XPO6: variants seen among roughly 807,000 people sequenced by gnomAD.
The protein encoded by XPO6 is exportin-6.
XPO6 carries 3 observed loss-of-function variants against 130.0 expected under a neutral mutation model. The observed-to-expected ratio is 0.02, with a 90% CI of 0.01 to 0.06. The LOEUF (loss-of-function observed/expected upper bound fraction) is 0.06, where lower values mean the gene tolerates loss of function less well. XPO6 is among the 10% of genes least tolerant of loss of function. The probability of loss-of-function intolerance (pLI) is 1.00; values close to 1 mark genes in which losing one functional copy is unlikely to be tolerated. For synonymous variants in XPO6, 524 were observed against 548.9 expected, an observed-to-expected ratio of 0.95 and a Z score of 0.63; for missense variants, 970 against 1,393.0, an observed-to-expected ratio of 0.70 and a Z score of 4.83.
intron 1 of XPO6, among the ~76,000 whole-genome samples, chr16:28,189,257 TAAAAAAAA>T (rs34353034): frequency 7.4e-6 from 1 of 134,602 alleles, no homozygotes; most frequent in African/African-American, 2.8e-5. Context: ...ACACTTCCTT[TAAAAAAAA>T]AAAAAAAAAG....
intron 9 of XPO6, among the ~76,000 whole-genome samples, chr16:28,135,663 A>G (rs1004990417): frequency 6.6e-6 from 1 of 152,170 alleles, no homozygotes; most frequent in Non-Finnish European, 1.5e-5. Context: ...TTTGCACGGA[A>G]TATCTCTTTC....
At chr16:28,208,076 G>A (rs2044062421) in intron 1 of XPO6, among the ~76,000 whole-genome samples, 1 of 151,804 alleles carries the variant, frequency 6.6e-6, no homozygotes, top group African/African-American at 2.4e-5. Context: ...AATCCAGGAG[G>A]CAGAGGTTGC....
intron 1 of XPO6, among the ~76,000 whole-genome samples, chr16:28,190,335 T>C (rs1453982193): frequency 1.3e-5 from 2 of 151,934 alleles, no homozygotes; most frequent in African/African-American, 4.8e-5. Context: ...TTCTCGTGTC[T>C]CAGCCTCCCA....
At position 28,098,607 on chromosome 16, in the gene XPO6, C is replaced by G. The variant is rs754737839; in HGVS notation, c.3309G>C (p.Arg1103Ser). 35 of 1,612,434 alleles carry G rather than the reference C, an allele frequency of 2.2e-5. No homozygotes were observed. The highest frequency in any genetic ancestry group is 2.9e-5 in the Non-Finnish European group (34 of 1,179,044). Residue 1103 changes from arginine to serine, a missense_variant, in exon 24 of 24, where the codon AGG becomes AGC. Around this residue, in one of 4 missense-constraint regions of XPO6, gnomAD observed 936 missense variants for 1,306.8 expected, o/e 0.72. Transcript: ENST00000304658. ...TGTAGTAGCGCAGGTCGTTGACCAG[C>G]CTGTGCACATTCTGGGTGAATGAGG... ...DLPSFTQNVH[R>S]LVNDLRYYRL...
intron 20 of XPO6, 103 bp downstream of exon 20, chr16:28,105,940 C>T (rs1162381222): frequency 1.3e-6 from 2 of 1,509,110 alleles, no homozygotes; most frequent in Non-Finnish European, 1.8e-6. Flanking sequence ...GCATATTAAA[C>T]TAACAAATGA....
rs143889337 is a variant in XPO6, at chr16:28,121,628, G to A, written c.1859+42C>T. 7.9e-5 allele frequency: 111 copies of A among 1,403,042 alleles called. No individual in the cohort carries two copies. The African/African-American group carries it at 1.3e-3, about 16-fold the overall frequency. The allele number at this position is 1,403,042 out of a possible 1,614,324, so 86.9% of individuals were successfully genotyped here. The stretch of plus-strand genomic sequence containing the variant: ...CAAATTATTTGGAGATTGGGGGCAA[G>A]GTCTTTCCTAAAAATGCACAAACAT... On this transcript the variant is annotated intron_variant, in intron 14 of 23. Transcript: ENST00000304658.
intron 4 of XPO6, among the ~76,000 whole-genome samples, chr16:28,173,577 T>G (rs1013570840): frequency 9.8e-5 from 15 of 152,286 alleles, no homozygotes; most frequent in African/African-American, 3.4e-4. Flanking sequence ...ACTCTATCTC[T>G]ATTTATTAAA....
intron 4 of XPO6, among the ~76,000 whole-genome samples, chr16:28,175,308 T>C (rs1270485081): frequency 1.3e-5 from 2 of 152,164 alleles, no homozygotes; most frequent in Non-Finnish European, 2.9e-5. Flanking sequence ...CTAGCCATCA[T>C]TCCACCATAA....
intron 9 of XPO6, among the ~76,000 whole-genome samples, chr16:28,137,050 G>A (rs1338069990): frequency 6.6e-6 from 1 of 152,280 alleles, no homozygotes; most frequent in Non-Finnish European, 1.5e-5. Context: ...TGCTGCCCCA[G>A]CAACAGACAC....
In XPO6 at chr16:28,153,961, T is replaced by G. The variant is rs1360717480; in HGVS notation, c.1098-1176A>C. 3 of 985,236 alleles carry G rather than the reference T, an allele frequency of 3.0e-6. No homozygotes were observed. In the East Asian group the frequency reaches 3.4e-4, roughly 112 times the overall value. The allele number at this position is 985,236 out of a possible 1,614,324, so 61.0% of individuals were successfully genotyped here. On this transcript the variant is annotated intron_variant, in intron 7 of 23. Transcript: ENST00000304658. ...TGCCTGACCTCTATGCGGCCGAGCTTATTTGCAGCTTTTTAAAAAATACAT... is the reference window on the plus strand; with the variant it reads ...TGCCTGACCTCTATGCGGCCGAGCTGATTTGCAGCTTTTTAAAAAATACAT...
chr16:28,146,053 C>T, intron 9 of XPO6, 41 bp downstream of exon 9: 1 of 1,506,222 alleles, frequency 6.6e-7, no homozygotes, highest in South Asian at 1.1e-5. Context: ...GAATAACTGG[C>T]AAAATGACCA....
intron 6 of XPO6, among the ~76,000 whole-genome samples, chr16:28,160,184 TAAAAAAAAAAAAAAA>T (rs56947792): frequency 6.2e-4 from 47 of 76,136 alleles, no homozygotes; most frequent in African/African-American, 2.5e-3. Context: ...GCCTCCGTCT[TAAAAAAAAAAAAAAA>T]AAAAAAAAAA....
At chr16:28,193,430 G>A (rs769905483) in intron 1 of XPO6, among the ~76,000 whole-genome samples, 2 of 152,158 alleles carry the variant, frequency 1.3e-5, no homozygotes, top group Non-Finnish European at 2.9e-5. Flanking sequence ...GGGAGAAGAC[G>A]CTGCAAAGCA....
At chr16:28,182,365 A>T (rs1442574742) in intron 1 of XPO6, among the ~76,000 whole-genome samples, 1 of 152,152 alleles carries the variant, frequency 6.6e-6, no homozygotes, top group East Asian at 1.9e-4. Flanking sequence ...ATCAGACTTG[A>T]TTCATAAGCG....
intron 17 of XPO6, chr16:28,111,580 T>C (rs1397098976): frequency 2.3e-6 from 1 of 429,052 alleles, no homozygotes; most frequent in Non-Finnish European, 4.2e-6. Flanking sequence ...CCAGCATTTT[T>C]TACATTTTAA....
intron 15 of XPO6, among the ~76,000 whole-genome samples, chr16:28,116,173 T>C (rs1218224631): frequency 6.6e-6 from 1 of 152,216 alleles, no homozygotes; most frequent in African/African-American, 2.4e-5. Flanking sequence ...TCAAGAGCCT[T>C]TGGCCAGGCC....
intron 15 of XPO6, among the ~76,000 whole-genome samples, chr16:28,115,141 CTGA>C (rs1461893148): frequency 6.6e-6 from 1 of 152,198 alleles, no homozygotes; most frequent in African/African-American, 2.4e-5. Flanking sequence ...CCCATTAATG[CTGA>C]TATTTTGATC....
At chr16:28,111,771 C>T (rs763834672) in intron 17 of XPO6, 46 bp downstream of exon 17, 1 of 1,594,752 alleles carries the variant, frequency 6.3e-7, no homozygotes, top group South Asian at 1.1e-5. Context: ...AAGAACAATG[C>T]CTGCCTACCT....
rs750298445 is a variant in XPO6, at chr16:28,156,217, T to C, written c.954A>G (p.Glu318=). ...LGVLAMSCIN[E]LMSKNCVPME... Reference sequence around the variant, plus strand: ...TAGGCACACAGTTCTTGGACATGAGTTCATTGATGCAGGACATGGCCAGGA... The same window carrying C: ...TAGGCACACAGTTCTTGGACATGAGCTCATTGATGCAGGACATGGCCAGGA... The change falls in exon 7 of 24, where the codon GAA becomes GAG. Residue 318 remains glutamate, a synonymous_variant. Coordinates refer to ENST00000304658, the MANE Select transcript of XPO6 (RefSeq NM_015171.4). 20 of 1,613,874 alleles carry C rather than the reference T, an allele frequency of 1.2e-5. 1 individual carries two copies. The Admixed American group carries it at 2.3e-4, about 19-fold the overall frequency.
Sources: allele counts gnomAD v4.1 joint callset (sites outside exome capture counted in the v4.1 genomes callset), GRCh38; gene constraint gnomAD v4.1.1; regional missense constraint gnomAD v4.1.1; transcripts MANE v1.5; gene names NCBI Gene and HGNC (gene_info 2026-07-23, HGNC 2026-07-21).